EFNA5: variants seen among roughly 807,000 people sequenced by gnomAD.
EFNA5 encodes the protein ephrin A5.
In EFNA5, 5 loss-of-function variants were observed where a neutral mutation model predicts 22.9. That is an observed-to-expected ratio of 0.22 (90% CI 0.11 to 0.46). The LOEUF (loss-of-function observed/expected upper bound fraction) is 0.46, where lower values mean the gene tolerates loss of function less well. Ranked by LOEUF, EFNA5 falls within the 20% of genes least tolerant of loss-of-function variation. The pLI, the probability that EFNA5 is intolerant of heterozygous loss-of-function variation, is 0.99. For missense variants in EFNA5, 237 were observed against 293.3 expected (o/e 0.81, Z 1.40); for synonymous variants, 113 against 112.2 (o/e 1.01, Z -0.04).
At chr5:107,501,420 T>C (rs748883727) in intron 1 of EFNA5, among the ~76,000 whole-genome samples, 5 of 152,222 alleles carry the variant, frequency 3.3e-5, no homozygotes, top group Admixed American at 6.5e-5. Context: ...AAATACATTA[T>C]ATACTGTTAT....
intron 1 of EFNA5, among the ~76,000 whole-genome samples, chr5:107,540,493 T>C (rs1643058253): frequency 6.6e-6 from 1 of 152,178 alleles, no homozygotes; most frequent in Non-Finnish European, 1.5e-5. Flanking sequence ...GAAAACAGTA[T>C]GGCAAAAAAT....
chr5:107,498,378 G>A (rs530661179), intron 1 of EFNA5, among the ~76,000 whole-genome samples: 4 of 152,138 alleles, frequency 2.6e-5, no homozygotes, highest in African/African-American at 4.8e-5. Context: ...TAACTCAACT[G>A]AAACTCACTC....
chr5:107,578,583 G>A (rs565122741), intron 1 of EFNA5, among the ~76,000 whole-genome samples: 1 of 147,708 alleles, frequency 6.8e-6, no homozygotes, highest in African/African-American at 2.6e-5. Flanking sequence ...AAGAATACCA[G>A]AAAAAATAAA....
intron 1 of EFNA5, among the ~76,000 whole-genome samples, chr5:107,635,861 A>G (rs530730015): frequency 2.3e-4 from 35 of 152,368 alleles, no homozygotes; most frequent in African/African-American, 8.4e-4. Flanking sequence ...GTGAGCCAAC[A>G]TTCAACAAGG....
At chr5:107,525,881 G>T (rs1747687573) in intron 1 of EFNA5, among the ~76,000 whole-genome samples, 1 of 152,128 alleles carries the variant, frequency 6.6e-6, no homozygotes, top group African/African-American at 2.4e-5. Flanking sequence ...TTTCGGTCAA[G>T]TGTCAATTTT....
rs529519528 is a variant in EFNA5 at position 107,427,374 on chromosome 5, G to A, written c.261C>T (p.Tyr87=). The A allele has an allele frequency of 6.2e-7, 1 of 1,614,000 alleles. No individual in the cohort carries two copies. Among genetic ancestry groups the A allele is most frequent in the Non-Finnish European group, 8.5e-7 (1 of 1,180,022 alleles). The change falls in exon 2 of 5, where the codon TAC becomes TAT. Residue 87 remains tyrosine (Y), a synonymous_variant. Transcript: ENST00000333274. Reference sequence around the variant, plus strand: ...CTTTGGAAGTGTGGTCGCAGGCACTGTAGCCATCAAAGTTCACCATGTAGA... The same window carrying A: ...CTTTGGAAGTGTGGTCGCAGGCACTATAGCCATCAAAGTTCACCATGTAGA... ...YVLYMVNFDG[Y]SACDHTSKGF... is the part of the protein sequence containing the mutation.
intron 1 of EFNA5, among the ~76,000 whole-genome samples, chr5:107,593,299 G>A (rs1749413495): frequency 6.6e-6 from 1 of 152,188 alleles, no homozygotes; most frequent in Admixed American, 6.5e-5. Context: ...GCCCAGCACA[G>A]GACCGGACTT....
At chr5:107,461,025 T>A (rs990228550) in intron 1 of EFNA5, among the ~76,000 whole-genome samples, 1 of 152,106 alleles carries the variant, frequency 6.6e-6, no homozygotes, top group Non-Finnish European at 1.5e-5. Context: ...CAGTCCAGCA[T>A]CTCTGAAACT....
intron 1 of EFNA5, among the ~76,000 whole-genome samples, chr5:107,597,167 A>C (rs1469207121): frequency 6.6e-6 from 1 of 152,200 alleles, no homozygotes; most frequent in Non-Finnish European, 1.5e-5. Flanking sequence ...TCCATCAAAA[A>C]TATTTAGTAA....
At chr5:107,527,364 G>GCAA (rs1747716355) in intron 1 of EFNA5, among the ~76,000 whole-genome samples, 2 of 150,352 alleles carry the variant, frequency 1.3e-5, no homozygotes, top group Non-Finnish European at 2.9e-5. Context: ...TCGGCTCACT[G>GCAA]CAACATCTGC....
chr5:107,510,718 G>A (rs1747350890), intron 1 of EFNA5, among the ~76,000 whole-genome samples: 1 of 152,154 alleles, frequency 6.6e-6, no homozygotes, highest in Admixed American at 6.5e-5. Context: ...ATGAGGTGCT[G>A]AAGACCAGAA....
At chr5:107,384,131 A>G (rs1227407308) in intron 4 of EFNA5, among the ~76,000 whole-genome samples, 2 of 152,202 alleles carry the variant, frequency 1.3e-5, no homozygotes, top group Non-Finnish European at 2.9e-5. Flanking sequence ...AATCTGAGCA[A>G]TTTCAGAATT....
At chr5:107,541,749 T>G (rs1396454812) in intron 1 of EFNA5, among the ~76,000 whole-genome samples, 2 of 152,200 alleles carry the variant, frequency 1.3e-5, no homozygotes, top group African/African-American at 4.8e-5. Flanking sequence ...TTATACTTGA[T>G]AAGAGGATAG....
intron 2 of EFNA5, among the ~76,000 whole-genome samples, chr5:107,422,486 G>T (rs1327737060): frequency 6.6e-6 from 1 of 152,210 alleles, no homozygotes; most frequent in Non-Finnish European, 1.5e-5. Context: ...CTGCCTCTTG[G>T]ATAAAGACAT....
chr5:107,523,004 C>T (rs1406099929), intron 1 of EFNA5, among the ~76,000 whole-genome samples: 1 of 152,172 alleles, frequency 6.6e-6, no homozygotes, highest in South Asian at 2.1e-4. Flanking sequence ...TCCACTGATA[C>T]AGATTCCACA....
chr5:107,397,986 C>T (rs62357494), intron 2 of EFNA5, among the ~76,000 whole-genome samples: 195 of 152,232 alleles, frequency 1.3e-3, no homozygotes, highest in Admixed American at 3.4e-3. Context: ...AGAACAGCAG[C>T]CAGGGTTTCC....
intron 1 of EFNA5, among the ~76,000 whole-genome samples, chr5:107,439,461 A>G (rs1306867792): frequency 6.6e-6 from 1 of 152,168 alleles, no homozygotes; most frequent in Non-Finnish European, 1.5e-5. Flanking sequence ...GTGGTTTTGA[A>G]TTACATTGCT....
At chr5:107,430,774 C>CTTTTT (rs869266799) in intron 1 of EFNA5, among the ~76,000 whole-genome samples, 19 of 20,280 alleles carry the variant, frequency 9.4e-4, no homozygotes, top group South Asian at 2.3e-3. Flanking sequence ...TTCTTTCTTT[C>CTTTTT]TTTTTTTTTT....
chr5:107,561,844 C>G (rs1051013973), intron 1 of EFNA5, among the ~76,000 whole-genome samples: 2 of 152,118 alleles, frequency 1.3e-5, no homozygotes, highest in Non-Finnish European at 2.9e-5. Context: ...TTTATTCCAA[C>G]TGACTTTTTT....
Sources: gnomAD v4.1 joint callset for allele counts (sites outside exome capture counted in the v4.1 genomes callset) on GRCh38, gnomAD v4.1.1 for gene constraint, MANE v1.5 for transcripts, NCBI Gene and HGNC (gene_info 2026-07-23, HGNC 2026-07-21) for gene names.